RBFOX1: variants seen among roughly 807,000 people sequenced by gnomAD.
The protein encoded by RBFOX1 is RNA binding protein fox-1 homolog 1.
In RBFOX1, 8 loss-of-function variants were observed where a neutral mutation model predicts 57.7. The observed-to-expected ratio is 0.14, with a 90% CI of 0.08 to 0.25. The LOEUF is 0.25. RBFOX1 is among the 10% of genes least tolerant of loss of function. The pLI, the probability that RBFOX1 is intolerant of heterozygous loss-of-function variation, is 1.00. For missense variants in RBFOX1, 611 were observed against 548.5 expected, an observed-to-expected ratio of 1.11 and a Z score of -1.14; for synonymous variants, 326 against 222.4, an observed-to-expected ratio of 1.47 and a Z score of -4.15.
At chr16:7,657,374 G>A (rs898923848) in intron 12 of RBFOX1, among the ~76,000 whole-genome samples, 10 of 152,092 alleles carry the variant, frequency 6.6e-5, no homozygotes, top group African/African-American at 9.7e-5. Context: ...GCACGATCTC[G>A]ACTCACTGCA....
At chr16:6,584,343 T>C (rs549963108) in intron 2 of RBFOX1, among the ~76,000 whole-genome samples, 4 of 41,424 alleles carry the variant, frequency 9.7e-5, no homozygotes, top group African/African-American at 1.4e-4. Flanking sequence ...TTATTTTCAT[T>C]ATTATTATTA....
chr16:7,159,516 A>G (rs779182506), intron 4 of RBFOX1, among the ~76,000 whole-genome samples: 1 of 152,196 alleles, frequency 6.6e-6, no homozygotes, highest in Non-Finnish European at 1.5e-5. Context: ...ATCACGCTCC[A>G]TGCGCTAGGA....
intron 2 of RBFOX1, among the ~76,000 whole-genome samples, chr16:6,515,947 T>C (rs1164948259): frequency 6.6e-6 from 1 of 152,220 alleles, no homozygotes; most frequent in African/African-American, 2.4e-5. Context: ...TGTATTTTTT[T>C]AGGTACTGGT....
At chr16:6,304,893 A>AAAAAAAG (rs1175718838) in intron 1 of RBFOX1, among the ~76,000 whole-genome samples, 2 of 151,712 alleles carry the variant, frequency 1.3e-5, no homozygotes, top group African/African-American at 4.8e-5. Context: ...AAAAAAAAAA[A>AAAAAAAG]AAAGGAATTC....
intron 1 of RBFOX1, among the ~76,000 whole-genome samples, chr16:6,031,310 C>T (rs1019590803): frequency 6.6e-6 from 1 of 152,054 alleles, no homozygotes; most frequent in African/African-American, 2.4e-5. Flanking sequence ...AGGTGGCCAG[C>T]GTGCCTGGGG....
At chr16:7,136,929 C>T (rs984620347) in intron 4 of RBFOX1, among the ~76,000 whole-genome samples, 3 of 152,222 alleles carry the variant, frequency 2.0e-5, no homozygotes, top group Admixed American at 6.5e-5. Context: ...CGCTGGGGCC[C>T]TTTCATTCCT....
intron 2 of RBFOX1, among the ~76,000 whole-genome samples, chr16:6,512,669 G>C (rs912465785): frequency 6.6e-6 from 1 of 152,166 alleles, no homozygotes; most frequent in African/African-American, 2.4e-5. Flanking sequence ...AGGCTTTCTA[G>C]TTCAGTCCCC....
chr16:5,466,359 G>C (rs576381413), intron 1 of RBFOX1, among the ~76,000 whole-genome samples: 20 of 152,190 alleles, frequency 1.3e-4, no homozygotes, highest in African/African-American at 4.8e-4. Flanking sequence ...TGTGGGGTTT[G>C]ATCTCCTCCA....
At chr16:7,368,792 A>T (rs773087941) in intron 4 of RBFOX1, among the ~76,000 whole-genome samples, 1,698 of 151,628 alleles carry the variant, frequency 0.011, 25 homozygotes, top group African/African-American at 0.033. Context: ...AAAAAAAAAA[A>T]AAAATAAAAA....
At position 5,946,380 on chromosome 16, in the gene RBFOX1, A is replaced by G. The variant is rs1333478057; in HGVS notation, c.351+79045A>G. On this transcript the variant is annotated intron_variant, in intron 4 of 19. Transcript: ENST00000641259. The surrounding 1 kb of genome is among the most constrained non-coding windows in gnomAD (Gnocchi z 4.6). ...CCATTCCTTTTCTTTTCGTTTGCTC[A>G]TGGATGTTTATCAAACACCAACCAA... 1.3e-5 allele frequency among the ~76,000 whole-genome samples: 2 copies of G among 152,138 alleles called. No homozygotes were observed. Among genetic ancestry groups the G allele is most frequent in the East Asian group, 1.9e-4 (1 of 5,196 alleles).
chr16:5,858,769 G>A (rs1024444319), intron 3 of RBFOX1, among the ~76,000 whole-genome samples: 1 of 152,218 alleles, frequency 6.6e-6, no homozygotes, highest in African/African-American at 2.4e-5. Flanking sequence ...GGGAGGTAGG[G>A]AGATGAATAT....
chr16:7,163,986 G>C (rs759616497), intron 4 of RBFOX1, among the ~76,000 whole-genome samples: 5 of 152,136 alleles, frequency 3.3e-5, no homozygotes, highest in South Asian at 4.2e-4. Context: ...AATTTCAGCA[G>C]GTTTTTGGAG....
intron 3 of RBFOX1, among the ~76,000 whole-genome samples, chr16:6,879,898 G>T (rs1344344828): frequency 6.6e-6 from 1 of 152,098 alleles, no homozygotes; most frequent in Admixed American, 6.5e-5. Flanking sequence ...AGTTAAATCT[G>T]ATCATTTCTT....
At chr16:6,550,860 T>C (rs1360725703) in intron 2 of RBFOX1, among the ~76,000 whole-genome samples, 5 of 152,202 alleles carry the variant, frequency 3.3e-5, no homozygotes, top group African/African-American at 4.8e-5. Context: ...TAAATAGATA[T>C]TTAATTCTGG....
intron 3 of RBFOX1, among the ~76,000 whole-genome samples, chr16:5,605,997 T>A (rs2047564505): frequency 6.6e-6 from 1 of 152,176 alleles, no homozygotes. Flanking sequence ...CTTTCCTCCC[T>A]CTTCCCTGGC....
chr16:7,099,611 ACGTGC>A (rs1320964932), intron 4 of RBFOX1, among the ~76,000 whole-genome samples: 3 of 152,142 alleles, frequency 2.0e-5, no homozygotes, highest in Non-Finnish European at 4.4e-5. Flanking sequence ...TCCTGAGGAC[ACGTGC>A]CCAAGGTGGT....
chr16:7,637,497 C>G (rs559102728), intron 11 of RBFOX1, among the ~76,000 whole-genome samples: 1 of 152,060 alleles, frequency 6.6e-6, no homozygotes, highest in East Asian at 1.9e-4. Flanking sequence ...ATAAATCAGG[C>G]CTGTACTATT....
At chr16:6,130,480 CAT>C (rs2096621910) in intron 1 of RBFOX1, among the ~76,000 whole-genome samples, 1 of 151,972 alleles carries the variant, frequency 6.6e-6, no homozygotes, top group Admixed American at 6.6e-5. Context: ...TAAAATGAAA[CAT>C]ATGGATGTGA....
chr16:7,634,682 G>A (rs916037340), intron 11 of RBFOX1, among the ~76,000 whole-genome samples: 5 of 152,092 alleles, frequency 3.3e-5, no homozygotes, highest in African/African-American at 9.7e-5. Flanking sequence ...TAATTCCGTA[G>A]ACTCTTCCAT....
Sources: gnomAD v4.1 joint callset for allele counts (sites outside exome capture counted in the v4.1 genomes callset) on GRCh38, gnomAD v4.1.1 for gene constraint, Gnocchi (gnomAD v3.1) non-coding constraint, MANE v1.5 for transcripts, NCBI Gene and HGNC (gene_info 2026-07-23, HGNC 2026-07-21) for gene names.